The following TNR variants were observed in gnomAD, a reference collection of about 807,000 sequenced individuals.
TNR encodes tenascin R.
A neutral mutation model predicts 150.4 loss-of-function variants in TNR; 45 were observed. That is an observed-to-expected ratio of 0.30 (90% confidence interval 0.24 to 0.38). The LOEUF (loss-of-function observed/expected upper bound fraction) is 0.38. Ranked by LOEUF, TNR falls within the 10% of genes least tolerant of loss-of-function variation. TNR has a pLI of 1.00. For missense variants in TNR, 1,544 were observed against 1,759.1 expected, an observed-to-expected ratio of 0.88 and a Z score of 2.19; for synonymous variants, 687 against 678.4, an observed-to-expected ratio of 1.01 and a Z score of -0.20.
rs1557881665 is a variant in TNR at position 175,355,587 on chromosome 1, TTGTC to T, written c.3161_3164del (p.Arg1054LysfsTer4). 1 of 1,614,090 alleles carries T rather than the reference TTGTC, an allele frequency of 6.2e-7. No homozygotes were observed. The highest frequency in any genetic ancestry group is 8.5e-7 in the Non-Finnish European group (1 of 1,179,924). ...GAGGCTGCCAGGAGATCAGGGCACT[TTGTC>T]TGGTGACTTCACTGGCTGTCAGGTT... On this transcript the variant is annotated frameshift_variant, in exon 17 of 23. Coordinates refer to ENST00000367674, the MANE Select transcript of TNR (RefSeq NM_003285.3). LOFTEE classifies it high-confidence loss of function.
intron 1 of TNR, among the ~76,000 whole-genome samples, chr1:175,611,478 A>G (rs148988217): frequency 6.6e-6 from 1 of 151,804 alleles, no homozygotes; most frequent in African/African-American, 2.4e-5. Flanking sequence ...GACTACAGGC[A>G]CTCGCCACCA....
At position 175,742,569 on chromosome 1, in the gene TNR, C is replaced by T. The variant is rs1667960905; in HGVS notation, c.-165+657G>A. 2.0e-5 allele frequency among the ~76,000 whole-genome samples: 3 copies of T among 152,112 alleles called. No homozygotes were observed. The South Asian group carries it at 6.2e-4, about 32-fold the overall frequency. ...CCTACCACCATGAAGTCAGAAGGGA[C>T]CTCAACCCCCCAAAGCCGCCCCAGC... is the stretch of plus-strand genomic sequence containing the variant. On this transcript the variant is annotated intron_variant, in intron 1 of 22. Transcript: ENST00000367674.
Position 175,324,403 on chromosome 1 carries a change from G to A in TNR, c.3910C>T (p.His1304Tyr). ...TACTTCCCATTGAGGTTGGTCCGGT[G>A]GCAGTTCTTATACCACCATGCTCCC... Reference protein sequence around the residue: ...YKGAWWYKNCHRTNLNGKYGE... With the variant: ...YKGAWWYKNCYRTNLNGKYGE... Residue 1304 changes from histidine (H) to tyrosine (Y), a missense_variant, in exon 22 of 23, where the codon CAC becomes TAC. Around this residue, in one of 2 missense-constraint regions of TNR, gnomAD observed 290 missense variants for 429.7 expected, o/e 0.67. Coordinates refer to ENST00000367674, the MANE Select transcript of TNR (RefSeq NM_003285.3). The A allele has an allele frequency of 6.2e-7, 1 of 1,614,034 alleles. No individual in the cohort carries two copies. The highest frequency in any genetic ancestry group is 8.5e-7 in the Non-Finnish European group (1 of 1,179,994).
intron 8 of TNR, among the ~76,000 whole-genome samples, chr1:175,385,568 C>T (rs1571368538): frequency 1.3e-5 from 2 of 152,148 alleles, no homozygotes; most frequent in South Asian, 2.1e-4. Context: ...TAGCATAATG[C>T]CAATGCACAT....
At chr1:175,711,860 G>A (rs1465151156) in intron 1 of TNR, among the ~76,000 whole-genome samples, 1 of 152,196 alleles carries the variant, frequency 6.6e-6, no homozygotes, top group Non-Finnish European at 1.5e-5. Context: ...TGTGGGCAGG[G>A]CATGTTTGGG....
chr1:175,514,982 G>T (rs1374220186), intron 2 of TNR, among the ~76,000 whole-genome samples: 2 of 152,148 alleles, frequency 1.3e-5, no homozygotes, highest in African/African-American at 2.4e-5. Flanking sequence ...AAGAGTGGGA[G>T]GATAAAGAAG....
chr1:175,479,253 C>T (rs1357079976), intron 2 of TNR, among the ~76,000 whole-genome samples: 2 of 152,234 alleles, frequency 1.3e-5, no homozygotes, highest in African/African-American at 4.8e-5. Flanking sequence ...ACTCTCTCCA[C>T]TGATGGTCTA....
chr1:175,553,261 C>T (rs1022544953), intron 1 of TNR, among the ~76,000 whole-genome samples: 1 of 152,100 alleles, frequency 6.6e-6, no homozygotes, highest in Non-Finnish European at 1.5e-5. Flanking sequence ...CTGCTGAGGG[C>T]TAAGGGGATT....
In TNR at chr1:175,609,713, A is replaced by C. The variant is rs115476869; in HGVS notation, c.-164-81344T>G. Among the ~76,000 whole-genome samples the C allele has an allele frequency of 2.9e-3, 449 of 152,340 alleles. 1 individual carries two copies. The highest frequency in any genetic ancestry group is 0.01 in the African/African-American group (432 of 41,578). ...TGAGACAGGTAGATGTCAGAAGGCC[A>C]ACTGATAAGTTACAATAAGAAGTAA... is the stretch of plus-strand genomic sequence containing the variant. On this transcript the variant is annotated intron_variant, in intron 1 of 22. Transcript: ENST00000367674.
At position 175,599,619 on chromosome 1, in the gene TNR, C is replaced by T. The variant is rs958495204; in HGVS notation, c.-164-71250G>A. On this transcript the variant is annotated intron_variant, in intron 1 of 22. Transcript: ENST00000367674. The surrounding 1 kb of genome is among the most constrained non-coding windows in gnomAD (Gnocchi z 4.7). ...CCGGAGGCAGCCCGGAGCAGCGTCG[C>T]CCCAGCAGGCTTATGCGGACCTGGC... Among the ~76,000 whole-genome samples, 34 of 152,158 alleles carry T rather than the reference C, an allele frequency of 2.2e-4. No individual in the cohort carries two copies. The highest frequency in any genetic ancestry group is 8.0e-4 in the African/African-American group (33 of 41,438).
At chr1:175,466,906 G>C (rs1657059404) in intron 2 of TNR, among the ~76,000 whole-genome samples, 1 of 152,092 alleles carries the variant, frequency 6.6e-6, no homozygotes, top group African/African-American at 2.4e-5. Flanking sequence ...TCTGGGACAG[G>C]AGACAGTCCC....
At chr1:175,396,369 G>A (rs1474216282) in intron 5 of TNR, among the ~76,000 whole-genome samples, 175 bp downstream of exon 5, 1 of 152,204 alleles carries the variant, frequency 6.6e-6, no homozygotes, top group Non-Finnish European at 1.5e-5. Flanking sequence ...AATCGAAAGT[G>A]CCTTTTTAAT....
At chr1:175,323,545 T>G (rs1649180267) in intron 22 of TNR, 69 bp from the exon 23 acceptor site, 1 of 1,583,706 alleles carries the variant, frequency 6.3e-7, no homozygotes, top group Non-Finnish European at 8.6e-7. Flanking sequence ...AAAAAAGGGG[T>G]AATTATGGGA....
intron 18 of TNR, among the ~76,000 whole-genome samples, chr1:175,348,807 G>A (rs750597046): frequency 6.6e-6 from 1 of 152,058 alleles, no homozygotes; most frequent in African/African-American, 2.4e-5. Flanking sequence ...AGTTAATAGC[G>A]GAACATATTG....
chr1:175,423,124 A>G (rs184549349), intron 2 of TNR, among the ~76,000 whole-genome samples: 1 of 152,352 alleles, frequency 6.6e-6, no homozygotes, highest in Admixed American at 6.5e-5. Context: ...AGTGAGAATG[A>G]AATATATGCA....
intron 18 of TNR, among the ~76,000 whole-genome samples, chr1:175,348,210 T>C (rs1249217737): frequency 6.6e-6 from 1 of 152,150 alleles, no homozygotes; most frequent in Non-Finnish European, 1.5e-5. Context: ...AGAATGTTTG[T>C]TATGAATATA....
intron 1 of TNR, among the ~76,000 whole-genome samples, chr1:175,702,868 C>A (rs1666735758): frequency 6.6e-6 from 1 of 152,140 alleles, no homozygotes. Flanking sequence ...CACGTAAAAT[C>A]CTTTGGATCT....
At chr1:175,702,503 G>A (rs1350603569) in intron 1 of TNR, among the ~76,000 whole-genome samples, 2 of 152,214 alleles carry the variant, frequency 1.3e-5, no homozygotes, top group African/African-American at 2.4e-5. Flanking sequence ...GCCTCTTGCT[G>A]GATGAGGGGC....
intron 2 of TNR, among the ~76,000 whole-genome samples, chr1:175,505,153 C>CA (rs1553231976): frequency 1.3e-5 from 2 of 152,228 alleles, no homozygotes; most frequent in Non-Finnish European, 2.9e-5. Context: ...CAGGCTGCCT[C>CA]GCTGTGCCCA....
Sources: gnomAD v4.1 joint callset for allele counts (sites outside exome capture counted in the v4.1 genomes callset) on GRCh38, gnomAD v4.1.1 for gene constraint, gnomAD v4.1.1 regional missense constraint, Gnocchi (gnomAD v3.1) non-coding constraint, MANE v1.5 for transcripts, NCBI Gene and HGNC (gene_info 2026-07-23, HGNC 2026-07-21) for gene names.